Variants in MCUB observed in about 807,000 individuals in gnomAD.
MCUB encodes the protein calcium uniporter regulatory subunit MCUb, mitochondrial.
MCUB carries 46 observed loss-of-function variants against 41.4 expected under a neutral mutation model. That is an observed-to-expected ratio of 1.11 (90% CI 0.88 to 1.42). The LOEUF (loss-of-function observed/expected upper bound fraction) is 1.42, where lower values mean the gene tolerates loss of function less well. Among genes scored for constraint, MCUB ranks in the 40% most tolerant of loss-of-function variants. MCUB has a pLI of 0.00. For synonymous variants in MCUB, 148 were observed against 148.2 expected, an observed-to-expected ratio of 1.00 and a Z score of 0.01; for missense variants, 403 against 404.9, an observed-to-expected ratio of 1.00 and a Z score of 0.04.
At chr4:109,618,145 C>T (rs1728170401) in intron 1 of MCUB, among the ~76,000 whole-genome samples, 1 of 152,186 alleles carries the variant, frequency 6.6e-6, no homozygotes, top group South Asian at 2.1e-4. Context: ...TCTTCAGCAG[C>T]ACAGGAACTC....
chr4:109,596,958 C>T (rs1481050006), intron 1 of MCUB, among the ~76,000 whole-genome samples: 2 of 151,906 alleles, frequency 1.3e-5, no homozygotes, highest in South Asian at 2.1e-4. Flanking sequence ...TGCCTTCAAG[C>T]GTCTGTTTAA....
At chr4:109,560,457 G>GT in intron 1 of MCUB, 21 bp downstream of exon 1, 1 of 1,173,718 alleles carries the variant, frequency 8.5e-7, no homozygotes, top group Non-Finnish European at 1.1e-6. Context: ...GTGCCGGGCT[G>GT]TGGGGGTTCG....
In MCUB at chr4:109,646,394, A is replaced by G. The variant is rs183907724; in HGVS notation, c.100-12617A>G. Among the ~76,000 whole-genome samples the G allele has an allele frequency of 3.9e-5, 6 of 152,220 alleles. No individual in the cohort carries two copies. The East Asian group carries it at 1.2e-3, about 29-fold the overall frequency. ...TGTTCTTGAGTCCACTAAGCTATCA[A>G]TTCTACCTGCATACTTTTATTTGCT... is the stretch of plus-strand genomic sequence containing the variant. On this transcript the variant is annotated intron_variant, in intron 1 of 7. Coordinates refer to ENST00000394650, the MANE Select transcript of MCUB (RefSeq NM_017918.5).
chr4:109,614,739 C>A (rs1394703393), intron 1 of MCUB, among the ~76,000 whole-genome samples: 4 of 151,546 alleles, frequency 2.6e-5, no homozygotes, highest in Non-Finnish European at 5.9e-5. Context: ...TCCTGATGTC[C>A]TGCCCTGTGG....
chr4:109,657,068 A>C (rs1729120324), intron 1 of MCUB, among the ~76,000 whole-genome samples: 1 of 152,074 alleles, frequency 6.6e-6, no homozygotes. Context: ...AAATACAAAA[A>C]ATTAGCCAGG....
intron 1 of MCUB, among the ~76,000 whole-genome samples, chr4:109,591,513 T>G (rs1056217147): frequency 6.6e-6 from 1 of 151,746 alleles, no homozygotes; most frequent in African/African-American, 2.4e-5. Context: ...TTGTGTAGAC[T>G]TTGTTGGTTC....
intron 3 of MCUB, among the ~76,000 whole-genome samples, chr4:109,662,391 G>A (rs1729249156): frequency 6.6e-6 from 1 of 152,220 alleles, no homozygotes; most frequent in African/African-American, 2.4e-5. Context: ...AGCAGCACTT[G>A]CCTGGTGGTG....
chr4:109,605,574 C>A (rs181901585), intron 1 of MCUB, among the ~76,000 whole-genome samples: 1 of 152,236 alleles, frequency 6.6e-6, no homozygotes, highest in Non-Finnish European at 1.5e-5. Flanking sequence ...TAAATCTAAT[C>A]TTTCTTGATT....
At chr4:109,678,156 T>A (rs1729615536) in intron 4 of MCUB, among the ~76,000 whole-genome samples, 1 of 152,078 alleles carries the variant, frequency 6.6e-6, no homozygotes, top group Admixed American at 6.6e-5. Flanking sequence ...ATTAACAGCA[T>A]CCCAAGGCAG....
chr4:109,642,423 G>C (rs996770599), intron 1 of MCUB, among the ~76,000 whole-genome samples: 1 of 152,062 alleles, frequency 6.6e-6, no homozygotes, highest in Non-Finnish European at 1.5e-5. Flanking sequence ...TTTGTGGCAG[G>C]GTAATTAAAG....
chr4:109,622,445 A>G (rs984683789), intron 1 of MCUB, among the ~76,000 whole-genome samples: 3 of 152,232 alleles, frequency 2.0e-5, no homozygotes, highest in African/African-American at 7.2e-5. Flanking sequence ...TTTATTGGCC[A>G]AGAGATTTCA....
chr4:109,681,157 T>C lies in MCUB; in HGVS notation c.452-1425T>C, dbSNP rs1404990116. On this transcript the variant is annotated intron_variant, in intron 4 of 7. Transcript: ENST00000394650. Reference sequence around the variant, plus strand: ...TTAATGTGTATATTCCATAGACACATGGGAGGTATCCAAGGAATGAGTAAT... The same window carrying C: ...TTAATGTGTATATTCCATAGACACACGGGAGGTATCCAAGGAATGAGTAAT... Among the ~76,000 whole-genome samples the C allele has an allele frequency of 3.3e-5, 5 of 152,340 alleles. No individual in the cohort carries two copies. The East Asian group carries it at 9.6e-4, about 29-fold the overall frequency.
At chr4:109,563,823 G>A (rs1174945325) in intron 1 of MCUB, among the ~76,000 whole-genome samples, 2 of 152,182 alleles carry the variant, frequency 1.3e-5, no homozygotes, top group Admixed American at 1.3e-4. Context: ...TCCTGACCTC[G>A]TGATCCTCCT....
chr4:109,680,854 T>C (rs990550330), intron 4 of MCUB, among the ~76,000 whole-genome samples: 1 of 152,188 alleles, frequency 6.6e-6, no homozygotes, highest in Non-Finnish European at 1.5e-5. Flanking sequence ...TTGTCCTCCC[T>C]CAGGTTCTCT....
At chr4:109,642,636 G>GA (rs35934759) in intron 1 of MCUB, among the ~76,000 whole-genome samples, 108,713 of 151,790 alleles carry the variant, frequency 0.72, 39,696 homozygotes, top group African/African-American at 0.86. Flanking sequence ...TTTCCTTTTT[G>GA]AATCAGGCTG....
chr4:109,565,508 C>A (rs936119966), intron 1 of MCUB, among the ~76,000 whole-genome samples: 4 of 152,142 alleles, frequency 2.6e-5, no homozygotes, highest in Admixed American at 1.3e-4. Context: ...GTGAAGGTTC[C>A]TATGCCACAA....
At chr4:109,597,501 G>C (rs1168383519) in intron 1 of MCUB, among the ~76,000 whole-genome samples, 36 of 136,506 alleles carry the variant, frequency 2.6e-4, no homozygotes, top group East Asian at 4.5e-4. Flanking sequence ...GGCTGGCCGG[G>C]CGGGGGGCTG....
chr4:109,666,722 T>C (rs1053973744), intron 4 of MCUB, among the ~76,000 whole-genome samples: 3 of 152,238 alleles, frequency 2.0e-5, no homozygotes, highest in Non-Finnish European at 2.9e-5. Flanking sequence ...TCTCCCAGGC[T>C]ATGGCTTGCT....
At chr4:109,657,431 A>G (rs1169151567) in intron 1 of MCUB, among the ~76,000 whole-genome samples, 1 of 152,146 alleles carries the variant, frequency 6.6e-6, no homozygotes, top group African/African-American at 2.4e-5. Flanking sequence ...CAGCGAACAC[A>G]CTTTTAACCA....
Sources: gnomAD v4.1 joint callset for allele counts (sites outside exome capture counted in the v4.1 genomes callset) on GRCh38, gnomAD v4.1.1 for gene constraint, MANE v1.5 for transcripts, NCBI Gene and HGNC (gene_info 2026-07-23, HGNC 2026-07-21) for gene names.